ACR: variants seen among roughly 807,000 people sequenced by gnomAD.
The protein encoded by ACR is acrosin light and heavy chain prepropeptide.
Under a neutral mutation model 26.0 loss-of-function variants are expected in ACR, and 17 were observed. The ratio of observed to expected loss-of-function variants is 0.65; its 90% CI spans 0.45 to 0.98. The LOEUF is 0.98. Ranked by LOEUF, ACR falls within the 50% of genes least tolerant of loss-of-function variation. ACR has a pLI of 0.00. For missense variants in ACR, 435 were observed against 519.3 expected (o/e 0.84, Z 1.58); for synonymous variants, 199 against 207.7 (o/e 0.96, Z 0.36).
chr22:50,740,117 GCCTT>G, intron 3 of ACR, 140 bp downstream of exon 3: 2 of 1,094,638 alleles, frequency 1.8e-6, no homozygotes, highest in Non-Finnish European at 1.4e-6. Flanking sequence ...CATCACTGTG[GCCTT>G]CCACAGTCCC....
At chr22:50,743,229 G>C (rs1238904588) in intron 3 of ACR, among the ~76,000 whole-genome samples, 1 of 151,890 alleles carries the variant, frequency 6.6e-6, no homozygotes, top group Non-Finnish European at 1.5e-5. Context: ...TAGAGACGGG[G>C]TTTCACCGTG....
chr22:50,741,574 C>T (rs2083424881), intron 3 of ACR, among the ~76,000 whole-genome samples: 1 of 151,978 alleles, frequency 6.6e-6, no homozygotes, highest in South Asian at 2.1e-4. Context: ...CTTTTTTGTT[C>T]TGGAATTCCC....
intron 3 of ACR, among the ~76,000 whole-genome samples, chr22:50,743,237 G>C (rs934157112): frequency 2.6e-5 from 4 of 151,872 alleles, no homozygotes; most frequent in Non-Finnish European, 4.4e-5. Flanking sequence ...GGGTTTCACC[G>C]TGTTAGCCAG....
chr22:50,743,325 G>A (rs982900925), intron 3 of ACR, among the ~76,000 whole-genome samples: 59 of 152,274 alleles, frequency 3.9e-4, no homozygotes, highest in Admixed American at 6.5e-4. Flanking sequence ...GTGAGCCACC[G>A]CGCCCAGCCA....
At chr22:50,740,996 G>C (rs541570550) in intron 3 of ACR, among the ~76,000 whole-genome samples, 3 of 152,326 alleles carry the variant, frequency 2.0e-5, no homozygotes, top group Admixed American at 1.3e-4. Context: ...AGCAGGACAA[G>C]ACCCAGTAGG....
intron 3 of ACR, among the ~76,000 whole-genome samples, chr22:50,743,030 A>G (rs1208380218): frequency 2.6e-5 from 4 of 151,970 alleles, no homozygotes; most frequent in African/African-American, 9.7e-5. Context: ...TAGAGAGTCC[A>G]GCGCTTTCTT....
intron 3 of ACR, chr22:50,740,236 T>A (rs2083419596): frequency 6.7e-6 from 4 of 598,960 alleles, no homozygotes; most frequent in Admixed American, 2.7e-5. Context: ...TGAGGCTGTG[T>A]CTGTATTTGG....
At position 50,744,846 on chromosome 22, in the gene ACR, C is replaced by T. The variant is rs2083442422; in HGVS notation, c.905C>T (p.Pro302Leu). The change falls in exon 5 of 5, where the codon CCT becomes CTT. Residue 302 changes from proline (P) to leucine (L), a missense_variant. Around this residue, in one of 3 missense-constraint regions of ACR, gnomAD observed 29 missense variants for 59.4 expected, o/e 0.49. Transcript: ENST00000216139. Reference protein sequence around the residue: ...NALRMIQSATPPPPTTRPPPI... With the variant: ...NALRMIQSATLPPPTTRPPPI... The stretch of plus-strand genomic sequence containing the variant: ...TTGCGTATGATTCAATCGGCCACCC[C>T]TCCACCTCCCACCACTCGACCGCCC... The T allele has an allele frequency of 6.2e-7, 1 of 1,601,000 alleles. No individual in the cohort carries two copies. Among genetic ancestry groups the T allele is most frequent in the African/African-American group, 1.4e-5 (1 of 73,260 alleles).
In ACR at chr22:50,738,209, G is replaced by T. The variant is rs1339360554; in HGVS notation, c.-27G>T. The stretch of plus-strand genomic sequence containing the variant: ...CCACGGAGCTTTGTGAGGTCACTAG[G>T]CTTGCAGGCCAGGCAGTGCCAGGAG... On this transcript the variant is annotated 5_prime_UTR_variant, in exon 1 of 5. Transcript: ENST00000216139. 2 of 1,613,102 alleles carry T rather than the reference G, an allele frequency of 1.2e-6. No homozygotes were observed. The highest frequency in any genetic ancestry group is 1.6e-4 in the Middle Eastern group (1 of 6,074).
At chr22:50,742,678 T>A (rs1244005054) in intron 3 of ACR, among the ~76,000 whole-genome samples, 1 of 151,466 alleles carries the variant, frequency 6.6e-6, no homozygotes, top group Non-Finnish European at 1.5e-5. Context: ...TAAGAAAAGG[T>A]GGGGGCTAAG....
At chr22:50,738,423 C>A (rs1603447543) in intron 1 of ACR, 111 bp downstream of exon 1, 9 of 1,098,246 alleles carry the variant, frequency 8.2e-6, no homozygotes, top group East Asian at 2.6e-5. Context: ...AACCTGGACC[C>A]CCCCTGCTCC....
chr22:50,742,724 C>T (rs1205809383), intron 3 of ACR, among the ~76,000 whole-genome samples: 1 of 152,190 alleles, frequency 6.6e-6, no homozygotes, highest in Non-Finnish European at 1.5e-5. Flanking sequence ...AGCACTCGTT[C>T]AGCAGCCGCT....
chr22:50,744,533 G>T (rs1438555283), intron 4 of ACR, 120 bp from the exon 5 acceptor site: 3 of 1,408,502 alleles, frequency 2.1e-6, no homozygotes, highest in East Asian at 2.5e-5. Context: ...ACAACCACTT[G>T]TGTTTACAGC....
intron 3 of ACR, chr22:50,740,312 A>G: frequency 1.8e-6 from 1 of 566,004 alleles, no homozygotes; most frequent in Middle Eastern, 4.7e-4. Context: ...TTTGGAGAAG[A>G]GCTCCAGATA....
intron 3 of ACR, among the ~76,000 whole-genome samples, chr22:50,742,747 G>C (rs1353741097): frequency 6.6e-6 from 1 of 152,204 alleles, no homozygotes; most frequent in Non-Finnish European, 1.5e-5. Flanking sequence ...CCAGACGCCT[G>C]CTGTGTGCCG....
intron 3 of ACR, 71 bp from the exon 4 acceptor site, chr22:50,743,990 G>C (rs1487953573): frequency 1.8e-6 from 2 of 1,125,830 alleles, no homozygotes; most frequent in East Asian, 2.3e-5. Flanking sequence ...GATGGGGTTC[G>C]GTGGGGCAAG....
chr22:50,740,392 G>A lies in ACR; in HGVS notation c.565+415G>A, dbSNP rs866921536. On this transcript the variant is annotated intron_variant, in intron 3 of 4. Coordinates refer to ENST00000216139, the MANE Select transcript of ACR (RefSeq NM_001097.3). ...GGTTTCCTCATCTGTAAATGGAGGG[G>A]CTGGATCAGATGGTCTCCAAGCTGA... 3.0e-4 allele frequency: 175 copies of A among 592,154 alleles called. 1 individual carries two copies. The highest frequency in any genetic ancestry group is 2.8e-3 in the South Asian group (139 of 50,336). 36.7% of individuals were successfully genotyped at this position (592,154 alleles called of 1,614,324 possible).
chr22:50,741,793 A>G (rs529516526), intron 3 of ACR, among the ~76,000 whole-genome samples: 9 of 150,364 alleles, frequency 6.0e-5, no homozygotes, highest in African/African-American at 2.2e-4. Flanking sequence ...CTTCTTTCCC[A>G]TTGGGTTTTG....
intron 3 of ACR, chr22:50,740,513 C>G (rs2083420582): frequency 4.4e-6 from 3 of 683,792 alleles, no homozygotes; most frequent in Non-Finnish European, 8.0e-6. Flanking sequence ...GTCATAGCAC[C>G]AAATCTACCC....
Sources: gnomAD v4.1 joint callset for allele counts (sites outside exome capture counted in the v4.1 genomes callset) on GRCh38, gnomAD v4.1.1 for gene constraint, gnomAD v4.1.1 regional missense constraint, MANE v1.5 for transcripts, NCBI Gene and HGNC (gene_info 2026-07-23, HGNC 2026-07-21) for gene names.